The following FRMPD4 variants were observed in gnomAD, a reference collection of about 807,000 sequenced individuals.
FRMPD4 encodes the protein FERM and PDZ domain containing 4, also known as FERM and PDZ domain-containing protein 4.
FRMPD4 carries 22 observed loss-of-function variants against 94.1 expected under a neutral mutation model. The observed-to-expected ratio is 0.23, with a 90% CI of 0.17 to 0.33. FRMPD4 has a LOEUF of 0.33. Ranked by LOEUF, FRMPD4 falls within the 10% of genes least tolerant of loss-of-function variation. The probability of loss-of-function intolerance (pLI) is 1.00; values close to 1 mark genes in which losing one functional copy is unlikely to be tolerated. For missense variants in FRMPD4, 1,111 were observed against 1,339.9 expected, an observed-to-expected ratio of 0.83 and a Z score of 2.67; for synonymous variants, 631 against 548.6, an observed-to-expected ratio of 1.15 and a Z score of -2.10.
At chrX:12,256,532 T>G (rs2054116855) in intron 1 of FRMPD4, among the ~76,000 whole-genome samples, 1 of 111,993 alleles carries the variant, frequency 8.9e-6, no homozygotes, top group Non-Finnish European at 1.9e-5. Context: ...CAGGGCATTC[T>G]TAATTAACCT....
intron 4 of FRMPD4, among the ~76,000 whole-genome samples, chrX:12,652,845 T>C (rs1319276458): frequency 9.0e-6 from 1 of 111,703 alleles, no homozygotes; most frequent in Non-Finnish European, 1.9e-5. Context: ...TCTGAAAGAT[T>C]AGGCTCTGAA....
chrX:12,242,270 A>G (rs968097254), intron 1 of FRMPD4, among the ~76,000 whole-genome samples: 2 of 111,807 alleles, frequency 1.8e-5, no homozygotes, highest in Non-Finnish European at 3.8e-5. Flanking sequence ...TCTCATTTCT[A>G]ATAAAATTAA....
intron 2 of FRMPD4, among the ~76,000 whole-genome samples, chrX:12,532,587 A>G (rs909236294): frequency 4.5e-5 from 5 of 112,080 alleles, no homozygotes; most frequent in African/African-American, 1.6e-4. Context: ...TATAACATTC[A>G]TGCTCACCAC....
At chrX:12,706,701 G>A (rs892564301) in intron 11 of FRMPD4, 125 bp from the exon 12 acceptor site, 2 of 421,414 alleles carry the variant, frequency 4.7e-6, no homozygotes, top group African/African-American at 5.0e-5. Context: ...AATAGTCTTT[G>A]TCACATCTCA....
chrX:12,366,301 T>C (rs745474684), intron 1 of FRMPD4, among the ~76,000 whole-genome samples: 1 of 112,008 alleles, frequency 8.9e-6, no homozygotes, highest in Admixed American at 9.4e-5. Context: ...AGGAAGCTGA[T>C]GAGAAAGGTG....
intron 3 of FRMPD4, among the ~76,000 whole-genome samples, chrX:12,021,348 G>A (rs976205894): frequency 9.9e-5 from 11 of 111,426 alleles, no homozygotes; most frequent in Non-Finnish European, 1.7e-4. Context: ...GTGAATTTAA[G>A]GGGACTGAAC....
chrX:12,158,187 A>G (rs2055966235), intron 1 of FRMPD4, among the ~76,000 whole-genome samples: 1 of 111,744 alleles, frequency 8.9e-6, no homozygotes, highest in Non-Finnish European at 1.9e-5. Flanking sequence ...TTGTAAATAA[A>G]CAATTTATTG....
At chrX:12,247,022 A>G (rs144478695) in intron 1 of FRMPD4, among the ~76,000 whole-genome samples, 57 of 111,633 alleles carry the variant, frequency 5.1e-4, no homozygotes, top group African/African-American at 1.8e-3. Context: ...GGGGATTCAG[A>G]GTAGGTGAGA....
intron 1 of FRMPD4, among the ~76,000 whole-genome samples, chrX:12,461,837 T>C (rs1305478918): frequency 9.0e-6 from 1 of 111,388 alleles, no homozygotes; most frequent in Non-Finnish European, 1.9e-5. Context: ...TTACTAAACC[T>C]TTTTGAGCAC....
At chrX:12,401,538 A>G (rs956974064) in intron 1 of FRMPD4, among the ~76,000 whole-genome samples, 4 of 111,527 alleles carry the variant, frequency 3.6e-5, no homozygotes, top group Non-Finnish European at 7.5e-5. Context: ...CTTATCTCCC[A>G]ACACTCTCCC....
intron 1 of FRMPD4, among the ~76,000 whole-genome samples, chrX:12,330,775 C>A (rs1253943584): frequency 9.0e-6 from 1 of 111,166 alleles, no homozygotes; most frequent in Non-Finnish European, 1.9e-5. Flanking sequence ...CGTGATGCTC[C>A]CTGATGCCTT....
At chrX:12,053,416 A>AAGAAAGAG (rs1224776642) in intron 3 of FRMPD4, among the ~76,000 whole-genome samples, 21 of 99,075 alleles carry the variant, frequency 2.1e-4, no homozygotes, top group South Asian at 4.6e-4. Flanking sequence ...GAAAGAAAGA[A>AAGAAAGAG]AGAAAGAAAG....
intron 1 of FRMPD4, among the ~76,000 whole-genome samples, chrX:12,475,820 A>G: frequency 8.9e-6 from 1 of 111,912 alleles, no homozygotes; most frequent in African/African-American, 3.2e-5. Flanking sequence ...CAGAGGATAC[A>G]AACAAATGGA....
chrX:12,190,987 A>G (rs991308865), intron 1 of FRMPD4, among the ~76,000 whole-genome samples: 14 of 103,226 alleles, frequency 1.4e-4, no homozygotes, highest in African/African-American at 4.5e-4. Context: ...CTAAAAGAAA[A>G]TATTTGCAAT....
intron 1 of FRMPD4, among the ~76,000 whole-genome samples, chrX:12,320,414 A>C (rs1284463815): frequency 9.0e-6 from 1 of 111,386 alleles, no homozygotes; most frequent in African/African-American, 3.3e-5. Context: ...TAAAAATGCA[A>C]GTCTCTAAAC....
chrX:12,470,973 A>T (rs1212975648), intron 1 of FRMPD4, among the ~76,000 whole-genome samples: 1 of 112,238 alleles, frequency 8.9e-6, no homozygotes, highest in Non-Finnish European at 1.9e-5. Context: ...TTTATTTATT[A>T]TCTAATGTAT....
intron 1 of FRMPD4, among the ~76,000 whole-genome samples, chrX:12,305,436 A>G (rs1016378395): frequency 2.7e-5 from 3 of 111,882 alleles, no homozygotes; most frequent in African/African-American, 9.8e-5. Flanking sequence ...GAATCCTAAA[A>G]TTGTCCCTAG....
At chrX:12,345,994 T>C (rs1034522340) in intron 1 of FRMPD4, among the ~76,000 whole-genome samples, 1 of 110,171 alleles carries the variant, frequency 9.1e-6, no homozygotes, top group Admixed American at 9.7e-5. Context: ...TCAGATGTAA[T>C]TTTGCCTTTG....
chrX:12,094,168 G>A (rs2055179017), intron 3 of FRMPD4, among the ~76,000 whole-genome samples: 1 of 111,951 alleles, frequency 8.9e-6, no homozygotes, highest in African/African-American at 3.2e-5. Context: ...TCAAAGACCA[G>A]GAGGGTGACA....
Sources: gnomAD v4.1 joint callset for allele counts (sites outside exome capture counted in the v4.1 genomes callset) on GRCh38, gnomAD v4.1.1 for gene constraint, MANE v1.5 for transcripts, NCBI Gene and HGNC (gene_info 2026-07-23, HGNC 2026-07-21) for gene names.